The following GABBR2 variants were observed in gnomAD, a reference collection of about 807,000 sequenced individuals.
GABBR2 encodes G-protein coupled receptor 51.
A neutral mutation model predicts 105.6 loss-of-function variants in GABBR2; 23 were observed. The observed-to-expected ratio is 0.22, with a 90% confidence interval of 0.16 to 0.31. The LOEUF is 0.31. Among genes scored for constraint, GABBR2 ranks in the 10% least tolerant of loss-of-function variants. The pLI, the probability that GABBR2 is intolerant of heterozygous loss-of-function variation, is 1.00. For missense variants in GABBR2, 734 were observed against 1,245.5 expected (o/e 0.59, Z 6.18); for synonymous variants, 478 against 499.7 (o/e 0.96, Z 0.58).
intron 7 of GABBR2, among the ~76,000 whole-genome samples, chr9:98,409,160 C>T (rs7048165): frequency 0.18 from 27,102 of 152,170 alleles, 3,753 homozygotes; most frequent in African/African-American, 0.39. Flanking sequence ...TGTGGCTGGG[C>T]GGTGGCAGAT....
intron 13 of GABBR2, among the ~76,000 whole-genome samples, chr9:98,320,335 C>T (rs1830797463): frequency 6.6e-6 from 1 of 151,694 alleles, no homozygotes; most frequent in Non-Finnish European, 1.5e-5. Flanking sequence ...ACAACAGGTG[C>T]TGGAGAGGAT....
intron 1 of GABBR2, among the ~76,000 whole-genome samples, chr9:98,579,538 A>G (rs1246550779): frequency 6.6e-6 from 1 of 152,218 alleles, no homozygotes; most frequent in Non-Finnish European, 1.5e-5. Flanking sequence ...TTTGTCAAAC[A>G]TCAATGAATT....
At chr9:98,685,196 C>T (rs1397942089) in intron 1 of GABBR2, among the ~76,000 whole-genome samples, 1 of 152,238 alleles carries the variant, frequency 6.6e-6, no homozygotes, top group African/African-American at 2.4e-5. Flanking sequence ...GATTCCTGCC[C>T]TAGAACATCA....
intron 1 of GABBR2, among the ~76,000 whole-genome samples, chr9:98,611,001 G>A (rs13302776): frequency 0.2 from 30,384 of 151,744 alleles, 3,234 homozygotes; most frequent in South Asian, 0.3. Context: ...AAACAAAAAC[G>A]AACAAACAAA....
intron 13 of GABBR2, among the ~76,000 whole-genome samples, chr9:98,346,959 C>A (rs562798107): frequency 5.1e-4 from 78 of 152,270 alleles, no homozygotes; most frequent in Middle Eastern, 3.4e-3. Context: ...ATATACAGCA[C>A]ATTTTCTTTA....
chr9:98,337,310 A>T (rs529745357), intron 13 of GABBR2, among the ~76,000 whole-genome samples: 44 of 152,060 alleles, frequency 2.9e-4, no homozygotes, highest in African/African-American at 9.9e-4. Context: ...ATCTCGGAAG[A>T]AAAAAAAATT....
chr9:98,506,006 A>G (rs972173718), intron 3 of GABBR2, among the ~76,000 whole-genome samples: 1 of 152,206 alleles, frequency 6.6e-6, no homozygotes, highest in African/African-American at 2.4e-5. Context: ...CTCACATCAC[A>G]TGTCAAGGCC....
chr9:98,299,553 G>A (rs1830436096), intron 16 of GABBR2, among the ~76,000 whole-genome samples, 200 bp from the exon 17 acceptor site: 1 of 152,206 alleles, frequency 6.6e-6, no homozygotes, highest in African/African-American at 2.4e-5. Flanking sequence ...GCTATGATAA[G>A]AGGGACCTGG....
chr9:98,509,479 A>G (rs1021305206), intron 3 of GABBR2, among the ~76,000 whole-genome samples: 8 of 152,206 alleles, frequency 5.3e-5, no homozygotes, highest in Admixed American at 6.5e-5. Flanking sequence ...TCCGAGCTAC[A>G]GGAGGAAATT....
intron 1 of GABBR2, among the ~76,000 whole-genome samples, chr9:98,642,175 C>A (rs957429868): frequency 1.8e-4 from 28 of 152,138 alleles, no homozygotes; most frequent in African/African-American, 6.8e-4. Flanking sequence ...ATAAATAGTT[C>A]ATCAACAACC....
Position 98,306,116 on chromosome 9 carries a change from T to C in GABBR2, c.2229+5A>G. The stretch of plus-strand genomic sequence containing the variant: ...GAGGCCAGGTGGTGGGGCCAGCGCC[T>C]GTACCTTCGGCACGAATACCAGGCA... On this transcript the variant is annotated splice_donor_5th_base_variant and intron_variant, in intron 15 of 18. Coordinates refer to ENST00000259455, the MANE Select transcript of GABBR2 (RefSeq NM_005458.8). The surrounding 1 kb of genome is among the most constrained non-coding windows in gnomAD (Gnocchi z 5.4). 1 of 1,610,272 alleles carries C rather than the reference T, an allele frequency of 6.2e-7. No individual in the cohort carries two copies. Among genetic ancestry groups the C allele is most frequent in the Non-Finnish European group, 8.5e-7 (1 of 1,176,852 alleles).
intron 11 of GABBR2, among the ~76,000 whole-genome samples, chr9:98,384,997 T>A (rs925439005): frequency 2.0e-5 from 3 of 152,216 alleles, no homozygotes; most frequent in African/African-American, 7.2e-5. Context: ...TTTTACCATA[T>A]AACTCAGTCA....
chr9:98,696,737 A>G (rs1367814531), intron 1 of GABBR2, among the ~76,000 whole-genome samples: 2 of 152,230 alleles, frequency 1.3e-5, no homozygotes, highest in African/African-American at 4.8e-5. Context: ...ACACTCAGAC[A>G]TAAACACTGC....
At chr9:98,624,375 T>C (rs7033796) in intron 1 of GABBR2, among the ~76,000 whole-genome samples, 104,313 of 151,986 alleles carry the variant, frequency 0.69, 36,575 homozygotes, top group Middle Eastern at 0.81. Context: ...TTGGCCCCCA[T>C]TGGGATGCTG....
At chr9:98,605,911 C>A (rs1468642486) in intron 1 of GABBR2, among the ~76,000 whole-genome samples, 1 of 152,134 alleles carries the variant, frequency 6.6e-6, no homozygotes, top group Non-Finnish European at 1.5e-5. Context: ...TCTCCTAATG[C>A]TATCCCTCCC....
chr9:98,518,912 C>T (rs1201988625), intron 3 of GABBR2, among the ~76,000 whole-genome samples: 1 of 152,170 alleles, frequency 6.6e-6, no homozygotes, highest in African/African-American at 2.4e-5. Flanking sequence ...TTGGGGTGGA[C>T]ACTGCACCAA....
In GABBR2 at chr9:98,674,066, G is replaced by A. The variant is rs547794486; in HGVS notation, c.321+34351C>T. Among the ~76,000 whole-genome samples, 7 of 152,314 alleles carry A rather than the reference G, an allele frequency of 4.6e-5. No individual in the cohort carries two copies. The South Asian group carries it at 1.2e-3, about 27-fold the overall frequency. Reference sequence around the variant, plus strand: ...CCTCCAGCCTTGCACAGTTCAGGCTGTGTGGTCATTTCTGTCTCCATCATC... The same window carrying A: ...CCTCCAGCCTTGCACAGTTCAGGCTATGTGGTCATTTCTGTCTCCATCATC... On this transcript the variant is annotated intron_variant, in intron 1 of 18. Transcript: ENST00000259455.
chr9:98,560,507 TACACATAC>T (rs1338277729), intron 2 of GABBR2, among the ~76,000 whole-genome samples: 5 of 150,228 alleles, frequency 3.3e-5, no homozygotes, highest in Admixed American at 6.6e-5. Flanking sequence ...ACACACAAAA[TACACATAC>T]ACACATACAC....
intron 13 of GABBR2, among the ~76,000 whole-genome samples, chr9:98,321,210 A>C (rs1231824850): frequency 6.6e-6 from 1 of 152,066 alleles, no homozygotes; most frequent in African/African-American, 2.4e-5. Context: ...GTGGGACAAG[A>C]AACTATTCAC....
Sources: allele counts gnomAD v4.1 joint callset (sites outside exome capture counted in the v4.1 genomes callset), GRCh38; gene constraint gnomAD v4.1.1; non-coding constraint Gnocchi (gnomAD v3.1); transcripts MANE v1.5; gene names NCBI Gene and HGNC (gene_info 2026-07-23, HGNC 2026-07-21).